The following NSUN3 variants were observed in gnomAD, a reference collection of about 807,000 sequenced individuals.
NSUN3 encodes the protein tRNA (cytosine(34)-C(5))-methyltransferase, mitochondrial.
A neutral mutation model predicts 36.8 loss-of-function variants in NSUN3; 24 were observed. The ratio of observed to expected loss-of-function variants is 0.65; its 90% CI spans 0.47 to 0.92. NSUN3 has a LOEUF of 0.92. Ranked by LOEUF, NSUN3 falls within the 40% of genes least tolerant of loss-of-function variation. NSUN3 has a pLI of 0.00. For missense variants in NSUN3, 381 were observed against 392.8 expected (o/e 0.97, Z 0.25); for synonymous variants, 146 against 145.2 (o/e 1.01, Z -0.04).
At chr3:94,114,731 A>G (rs921728) in intron 5 of NSUN3, among the ~76,000 whole-genome samples, 67,107 of 151,980 alleles carry the variant, frequency 0.44, 15,607 homozygotes, top group East Asian at 0.67. Context: ...TAAGCATAGC[A>G]CCAAATAGTT....
intron 5 of NSUN3, among the ~76,000 whole-genome samples, chr3:94,121,163 G>A (rs1576103171): frequency 6.6e-6 from 1 of 152,148 alleles, no homozygotes; most frequent in East Asian, 1.9e-4. Flanking sequence ...AGCCCTGTGG[G>A]ACTAATATCA....
chr3:94,068,229 T>C (rs1403170751), intron 2 of NSUN3, among the ~76,000 whole-genome samples: 1 of 152,230 alleles, frequency 6.6e-6, no homozygotes, highest in Non-Finnish European at 1.5e-5. Context: ...GGAATGTTGT[T>C]TGACGTATAG....
In NSUN3 at chr3:94,064,525, G is replaced by A. The variant is rs114836795; in HGVS notation, c.101G>A (p.Gly34Glu). 84 of 1,604,206 alleles carry A rather than the reference G, an allele frequency of 5.2e-5. No individual in the cohort carries two copies. In the African/African-American group the frequency reaches 8.8e-4, roughly 17 times the overall value. Residue 34 changes from glycine to glutamate, a missense_variant, in exon 2 of 6, where the codon GGA becomes GAA. Transcript: ENST00000314622. ...GAAAAACAGTATTCCAAAGAACTCG[G>A]AGATGCCTGGAATACAGTAAGGTTA... ...HFEKQYSKEL[G>E]DAWNTVREIL... is the part of the protein sequence containing the mutation.
Position 94,074,569 on chromosome 3 carries a change from G to A in NSUN3, c.123-9538G>A, listed in dbSNP as rs888372887. On this transcript the variant is annotated intron_variant, in intron 2 of 5. Transcript: ENST00000314622. ...GTATTTTATTCTCTTAGTAGCAATT[G>A]TGGATGGGAGTTCACTCATGATTTG... is the stretch of plus-strand genomic sequence containing the variant. Among the ~76,000 whole-genome samples, 4 of 152,168 alleles carry A rather than the reference G, an allele frequency of 2.6e-5. No individual in the cohort carries two copies. The East Asian group carries it at 5.8e-4, about 22-fold the overall frequency.
At chr3:94,120,441 C>T (rs1156581379) in intron 5 of NSUN3, among the ~76,000 whole-genome samples, 1 of 152,130 alleles carries the variant, frequency 6.6e-6, no homozygotes, top group African/African-American at 2.4e-5. Context: ...ACTTCTTAGC[C>T]CCTGGCAACC....
intron 5 of NSUN3, among the ~76,000 whole-genome samples, chr3:94,104,492 G>T (rs2077378081): frequency 6.6e-6 from 1 of 152,162 alleles, no homozygotes; most frequent in Non-Finnish European, 1.5e-5. Context: ...CTGAGTCCCA[G>T]TTGCAAGCTT....
At chr3:94,098,235 T>C (rs2077351359) in intron 5 of NSUN3, among the ~76,000 whole-genome samples, 1 of 152,178 alleles carries the variant, frequency 6.6e-6, no homozygotes, top group Non-Finnish European at 1.5e-5. Context: ...GTTGTACCTA[T>C]TACATGTGTC....
chr3:94,097,533 A>G (rs952549817), intron 5 of NSUN3, among the ~76,000 whole-genome samples: 3 of 152,140 alleles, frequency 2.0e-5, no homozygotes, highest in Non-Finnish European at 4.4e-5. Context: ...TTTATAAACC[A>G]TTCTTTAATT....
chr3:94,095,234 G>A, intron 5 of NSUN3, 80 bp downstream of exon 5: 1 of 1,382,714 alleles, frequency 7.2e-7, no homozygotes, highest in Non-Finnish European at 1.0e-6. Flanking sequence ...CAGGCCCCCA[G>A]TGGAGGGCTT....
intron 5 of NSUN3, among the ~76,000 whole-genome samples, chr3:94,114,940 GTTTC>G (rs569064407): frequency 3.3e-5 from 5 of 151,942 alleles, no homozygotes; most frequent in Admixed American, 6.6e-5. Flanking sequence ...AAAGGACATG[GTTTC>G]TTTCTTTTTT....
chr3:94,075,064 T>C (rs977256088), intron 2 of NSUN3, among the ~76,000 whole-genome samples: 1 of 152,216 alleles, frequency 6.6e-6, no homozygotes, highest in African/African-American at 2.4e-5. Context: ...GAGATAATCA[T>C]GTGGTTTTTG....
chr3:94,076,321 T>A (rs1241592973), intron 2 of NSUN3: 3 of 848,200 alleles, frequency 3.5e-6, no homozygotes, highest in Non-Finnish European at 6.2e-6. Context: ...GTGGCAAGAA[T>A]GAACTCACTA....
At position 94,094,146 on chromosome 3, in the gene NSUN3, T is replaced by C. The variant is rs149093621; in HGVS notation, c.473T>C (p.Leu158Pro). ...TTTAATCCTTTTTATTTAGGTTATCTTCATTGTAATGAATATGATAGTCTG... is the reference window on the plus strand; with the variant it reads ...TTTAATCCTTTTTATTTAGGTTATCCTCATTGTAATGAATATGATAGTCTG... ...ALLQCACPGY[L>P]HCNEYDSLRL... Residue 158 changes from leucine to proline, a missense_variant, in exon 4 of 6, where the codon CTT (leucine) becomes CCT (proline). By Grantham distance (98) the Leu-to-Pro change is moderately conservative. Coordinates refer to ENST00000314622, the MANE Select transcript of NSUN3 (RefSeq NM_022072.5). 27 of 1,595,750 alleles carry C rather than the reference T, an allele frequency of 1.7e-5. No homozygotes were observed. The South Asian group carries it at 2.5e-4, about 15-fold the overall frequency.
At chr3:94,083,608 TA>T (rs1441380455) in intron 2 of NSUN3, among the ~76,000 whole-genome samples, 5 of 152,232 alleles carry the variant, frequency 3.3e-5, no homozygotes, top group African/African-American at 1.2e-4. Context: ...GTTCCACTTC[TA>T]TGCAAGCGTG....
intron 5 of NSUN3, among the ~76,000 whole-genome samples, chr3:94,102,145 TAAC>T (rs2077368310): frequency 1.7e-5 from 2 of 117,660 alleles, no homozygotes; most frequent in South Asian, 5.4e-4. Flanking sequence ...ATCATCCAGA[TAAC>T]AATCCTTAAA....
chr3:94,125,846 G>A (rs1175238313), intron 5 of NSUN3, among the ~76,000 whole-genome samples: 2 of 152,156 alleles, frequency 1.3e-5, no homozygotes, highest in Non-Finnish European at 2.9e-5. Context: ...GATCACTTGA[G>A]ATCAGGAGTT....
intron 5 of NSUN3, among the ~76,000 whole-genome samples, chr3:94,105,576 G>A (rs2077385588): frequency 6.6e-6 from 1 of 152,068 alleles, no homozygotes; most frequent in Non-Finnish European, 1.5e-5. Flanking sequence ...GCTCTGTAAA[G>A]ATGTAGGGTT....
chr3:94,089,564 A>AGCAT (rs2077306203), intron 3 of NSUN3, among the ~76,000 whole-genome samples: 1 of 152,216 alleles, frequency 6.6e-6, no homozygotes, highest in Non-Finnish European at 1.5e-5. Context: ...GCCTCAGGTG[A>AGCAT]GCATGCATAC....
intron 5 of NSUN3, among the ~76,000 whole-genome samples, chr3:94,096,799 C>T (rs777620206): frequency 1.3e-5 from 2 of 152,120 alleles, no homozygotes; most frequent in Non-Finnish European, 2.9e-5. Context: ...CATCCCCCAG[C>T]CTCAGTTTCT....
Sources: allele counts gnomAD v4.1 joint callset (sites outside exome capture counted in the v4.1 genomes callset), GRCh38; gene constraint gnomAD v4.1.1; transcripts MANE v1.5; gene names NCBI Gene and HGNC (gene_info 2026-07-23, HGNC 2026-07-21).